THOC1: variants seen among roughly 807,000 people sequenced by gnomAD.
THOC1 encodes THO complex 1.
A neutral mutation model predicts 97.3 loss-of-function variants in THOC1; 29 were observed. The ratio of observed to expected loss-of-function variants is 0.30; its 90% CI spans 0.22 to 0.41. The LOEUF (loss-of-function observed/expected upper bound fraction) is 0.41. THOC1 is among the 10% of genes least tolerant of loss of function. The pLI is 1.00. For synonymous variants in THOC1, 255 were observed against 257.0 expected (o/e 0.99, Z 0.07); for missense variants, 529 against 761.9 (o/e 0.69, Z 3.60).
intron 19 of THOC1, 90 bp downstream of exon 19, chr18:216,394 CAT>C (rs1411042785): frequency 1.8e-5 from 25 of 1,394,336 alleles, no homozygotes; most frequent in Non-Finnish European, 2.3e-5. Flanking sequence ...TGGTTTTTCA[CAT>C]GATTAAGTCA....
intron 7 of THOC1, among the ~76,000 whole-genome samples, chr18:257,640 T>C (rs1912477306): frequency 6.6e-6 from 1 of 152,006 alleles, no homozygotes; most frequent in Admixed American, 6.6e-5. Flanking sequence ...CAGCCAATGA[T>C]AACCAGACAC....
At position 218,886 on chromosome 18, in the gene THOC1, T is replaced by C; in HGVS notation, c.1454A>G (p.Lys485Arg). The C allele has an allele frequency of 6.3e-7, 1 of 1,592,000 alleles. No individual in the cohort carries two copies. Among genetic ancestry groups the C allele is most frequent in the East Asian group, 2.2e-5 (1 of 44,492 alleles). Residue 485 changes from lysine to arginine, a missense_variant and splice_region_variant, in exon 18 of 21, where the codon AAG becomes AGG. Coordinates refer to ENST00000261600, the MANE Select transcript of THOC1 (RefSeq NM_005131.3). ...AGGAGCTAATGAGGAGCATACTTACTTATATTCATTTTCCACCATATTTTC... is the reference window on the plus strand; with the variant it reads ...AGGAGCTAATGAGGAGCATACTTACCTATATTCATTTTCCACCATATTTTC... Reference protein sequence around the residue: ...DPENMVENEYKAVNNSNYGWR... With the variant: ...DPENMVENEYRAVNNSNYGWR...
intron 11 of THOC1, among the ~76,000 whole-genome samples, chr18:240,776 A>G (rs577136782): frequency 6.6e-6 from 1 of 152,260 alleles, no homozygotes; most frequent in Non-Finnish European, 1.5e-5. Flanking sequence ...CTTCATTTCT[A>G]TTATTAATAT....
chr18:224,259 AT>A, intron 15 of THOC1, 80 bp from the exon 16 acceptor site: 1 of 1,114,434 alleles, frequency 9.0e-7, no homozygotes, highest in Non-Finnish European at 1.3e-6. Flanking sequence ...GTAAAAGAAA[AT>A]TTAGTTATTG....
intron 1 of THOC1, among the ~76,000 whole-genome samples, chr18:266,318 T>C (rs1912766145): frequency 1.3e-5 from 2 of 152,206 alleles, no homozygotes; most frequent in Admixed American, 1.3e-4. Flanking sequence ...TGTTCCTTTA[T>C]CTCTTTGTGC....
At chr18:245,833 C>G (rs1912070398) in intron 11 of THOC1, 1 of 152,608 alleles carries the variant, frequency 6.6e-6, no homozygotes, top group Admixed American at 6.5e-5. Flanking sequence ...CCCGTCATTG[C>G]TATGTGTTTG....
At chr18:234,992 G>A (rs544243771) in intron 11 of THOC1, among the ~76,000 whole-genome samples, 2 of 151,614 alleles carry the variant, frequency 1.3e-5, no homozygotes, top group South Asian at 2.1e-4. Flanking sequence ...GTGTTGATAA[G>A]ATATGCCTTA....
chr18:252,477 G>T, intron 9 of THOC1, 62 bp downstream of exon 9: 1 of 1,243,712 alleles, frequency 8.0e-7, no homozygotes, highest in Non-Finnish European at 1.2e-6. Context: ...CTCCAGAGAG[G>T]ATACTCAATA....
At chr18:264,422 G>A (rs889801474) in intron 3 of THOC1, among the ~76,000 whole-genome samples, 1 of 152,198 alleles carries the variant, frequency 6.6e-6, no homozygotes, top group Non-Finnish European at 1.5e-5. Flanking sequence ...CAGGGCAAAG[G>A]CAGGGCTATG....
Position 225,156 on chromosome 18 carries a change from T to A in THOC1, c.1087-17A>T. 2 of 1,559,440 alleles carry A rather than the reference T, an allele frequency of 1.3e-6. No homozygotes were observed. Among genetic ancestry groups the A allele is most frequent in the Non-Finnish European group, 1.7e-6 (2 of 1,152,714 alleles). On this transcript the variant is annotated splice_polypyrimidine_tract_variant and intron_variant, in intron 13 of 20. Transcript: ENST00000261600. ...AGATAGTAGCTGTGATTAGAAAGAA[T>A]ATACTAAGCTTTCAACAACTTTCTG...
rs765003260 is a variant in THOC1, at chr18:215,432, C to G, written c.1675G>C (p.Glu559Gln). The part of the protein sequence containing the change: ...EDNDALLKEN[E>Q]SPDVRRDKPV... ...ACCAAGAAAATTCAGTTCTTACTTT[C>G]ATTTTCCTTCAGTAGAGCATCATTA... Residue 559 changes from glutamate to glutamine, a missense_variant, in exon 20 of 21, where the codon GAA becomes CAA. Transcript: ENST00000261600. The G allele has an allele frequency of 1.4e-5, 23 of 1,612,114 alleles. No homozygotes were observed. Among genetic ancestry groups the G allele is most frequent in the Non-Finnish European group, 2.0e-5 (23 of 1,178,554 alleles).
At chr18:249,510 A>G (rs1912207736) in intron 9 of THOC1, among the ~76,000 whole-genome samples, 1 of 152,060 alleles carries the variant, frequency 6.6e-6, no homozygotes, top group Non-Finnish European at 1.5e-5. Context: ...AAAAGTACAA[A>G]AATTACCCAG....
At chr18:266,726 G>C (rs998945475) in intron 1 of THOC1, among the ~76,000 whole-genome samples, 2 of 152,008 alleles carry the variant, frequency 1.3e-5, no homozygotes, top group African/African-American at 4.8e-5. Context: ...TAGTAGAGAC[G>C]GGGCTTTGCC....
chr18:215,399 G>GAATGGA lies in THOC1; in HGVS notation c.1678+29_1678+30insTCCATT. The GAATGGA allele has an allele frequency of 1.9e-6, 3 of 1,576,046 alleles. No homozygotes were observed. In the South Asian group the frequency reaches 3.3e-5, roughly 18 times the overall value. ...AAGAACCCCAATCGTCTTCAATTTT[G>GAATGGA]TTAAATAACCAAGAAAATTCAGTTC... On this transcript the variant is annotated intron_variant, in intron 20 of 20. Coordinates refer to ENST00000261600, the MANE Select transcript of THOC1 (RefSeq NM_005131.3).
chr18:246,807 T>A (rs1428898424), intron 10 of THOC1, among the ~76,000 whole-genome samples: 2 of 150,724 alleles, frequency 1.3e-5, no homozygotes, highest in Non-Finnish European at 2.9e-5. Flanking sequence ...TGAAACCCCG[T>A]CTCGACTAAA....
chr18:263,514 A>C (rs532260560), intron 4 of THOC1: 1 of 152,558 alleles, frequency 6.6e-6, no homozygotes, highest in South Asian at 2.1e-4. Flanking sequence ...AGTATGTCTA[A>C]CAAATTCTTC....
intron 17 of THOC1, among the ~76,000 whole-genome samples, chr18:221,760 C>A (rs755243522): frequency 2.0e-5 from 3 of 152,110 alleles, no homozygotes; most frequent in African/African-American, 7.2e-5. Flanking sequence ...AGGCGCCTGC[C>A]ACCACACTTG....
intron 18 of THOC1, 56 bp from the exon 19 acceptor site, chr18:216,689 T>C: frequency 6.4e-7 from 1 of 1,563,422 alleles, no homozygotes; most frequent in Non-Finnish European, 8.7e-7. Flanking sequence ...TGTATTCCCT[T>C]CTGCTCAGTT....
intron 11 of THOC1, among the ~76,000 whole-genome samples, chr18:237,573 T>A (rs1269705311): frequency 5.9e-5 from 9 of 151,988 alleles, no homozygotes; most frequent in Admixed American, 5.9e-4. Flanking sequence ...AAACACCAAA[T>A]GTTTTGAATA....
Sources: allele counts gnomAD v4.1 joint callset (sites outside exome capture counted in the v4.1 genomes callset), GRCh38; gene constraint gnomAD v4.1.1; transcripts MANE v1.5; gene names NCBI Gene and HGNC (gene_info 2026-07-23, HGNC 2026-07-21).